The following PAM variants were observed in gnomAD, a reference collection of about 807,000 sequenced individuals.
PAM encodes the protein peptidylglycine alpha-amidating monooxygenase, also known as peptidyl-glycine alpha-amidating monooxygenase.
A neutral mutation model predicts 122.1 loss-of-function variants in PAM; 72 were observed. That is an observed-to-expected ratio of 0.59 (90% CI 0.49 to 0.72). The LOEUF is 0.72. Ranked by LOEUF, PAM falls within the 30% of genes least tolerant of loss-of-function variation. PAM has a pLI of 0.00. For missense variants in PAM, 1,106 were observed against 1,183.7 expected (o/e 0.93, Z 0.96); for synonymous variants, 389 against 404.4 (o/e 0.96, Z 0.46).
intron 2 of PAM, among the ~76,000 whole-genome samples, chr5:102,867,041 G>A (rs1486783443): frequency 6.6e-6 from 1 of 152,002 alleles, no homozygotes; most frequent in Admixed American, 6.6e-5. Flanking sequence ...AATGTAGCCT[G>A]GTTGATTGCA....
intron 1 of PAM, among the ~76,000 whole-genome samples, chr5:102,766,465 G>C (rs1034258307): frequency 6.6e-6 from 1 of 152,156 alleles, no homozygotes; most frequent in Non-Finnish European, 1.5e-5. Context: ...TGCCGCAGCT[G>C]ATCTGACAGG....
intron 1 of PAM, among the ~76,000 whole-genome samples, chr5:102,856,778 T>C (rs189147911): frequency 2.6e-5 from 4 of 152,154 alleles, no homozygotes; most frequent in Admixed American, 2.6e-4. Flanking sequence ...ACCCCTGAGA[T>C]TTTTTTTCAG....
At chr5:102,786,007 T>A (rs1760427386) in intron 1 of PAM, among the ~76,000 whole-genome samples, 1 of 152,244 alleles carries the variant, frequency 6.6e-6, no homozygotes, top group Non-Finnish European at 1.5e-5. Context: ...AAGTTATTTT[T>A]AATAATTATT....
intron 7 of PAM, among the ~76,000 whole-genome samples, chr5:102,934,371 G>T (rs1304017884): frequency 2.0e-5 from 3 of 152,104 alleles, no homozygotes; most frequent in African/African-American, 7.2e-5. Flanking sequence ...TTTCATTCCA[G>T]AGCACATATT....
At chr5:102,949,418 A>G (rs1758045538) in intron 9 of PAM, 119 bp from the exon 10 acceptor site, 2 of 713,926 alleles carry the variant, frequency 2.8e-6, no homozygotes, top group Non-Finnish European at 5.1e-6. Context: ...TGTGTATTTA[A>G]GTCATAAGAA....
In PAM at chr5:102,959,905, A is replaced by C. The variant is rs1562038441; in HGVS notation, c.936A>C (p.Leu312Phe). 2 of 1,612,422 alleles carry C rather than the reference A, an allele frequency of 1.2e-6. No individual in the cohort carries two copies. The highest frequency in any genetic ancestry group is 4.5e-5 in the East Asian group (2 of 44,848). Reference sequence around the variant, plus strand: ...CGTCTAGTGATGAAATGTGCAACTTATACATTATGTATTACATGGAAGCCA... The same window carrying C: ...CGTCTAGTGATGAAATGTGCAACTTCTACATTATGTATTACATGGAAGCCA... The part of the protein sequence containing the change: ...GGTSSDEMCN[L>F]YIMYYMEAKH... Residue 312 changes from leucine (L) to phenylalanine (F), a missense_variant, in exon 13 of 26, where the codon TTA (leucine) becomes TTC (phenylalanine). Leu to Phe is a conservative substitution (Grantham distance 22). This residue lies in a region of PAM where 670 missense variants were observed against 690.3 expected (regional missense o/e 0.97). Coordinates refer to ENST00000438793, the MANE Select transcript of PAM (RefSeq NM_001177306.2).
At chr5:102,937,010 A>G (rs995754314) in intron 7 of PAM, among the ~76,000 whole-genome samples, 1 of 152,174 alleles carries the variant, frequency 6.6e-6, no homozygotes, top group African/African-American at 2.4e-5. Flanking sequence ...TTCTCTTAAG[A>G]AAAGGGGAGC....
downstream of PAM, chr5:103,030,772 G>A (rs868571190): frequency 1.3e-5 from 2 of 152,146 alleles, no homozygotes; most frequent in Non-Finnish European, 2.9e-5. Context: ...AAAATTGTTG[G>A]GCACTCACTC....
chr5:102,864,632 C>G (rs1479825006), intron 1 of PAM: 2 of 152,172 alleles, frequency 1.3e-5, no homozygotes, highest in Admixed American at 6.5e-5. Context: ...ATTAGCTTCA[C>G]TATCTTGTGA....
At chr5:102,877,281 A>T (rs937701969) in intron 3 of PAM, among the ~76,000 whole-genome samples, 7 of 152,248 alleles carry the variant, frequency 4.6e-5, no homozygotes, top group African/African-American at 1.4e-4. Flanking sequence ...ATTAGTTAAG[A>T]AATGTTAGCA....
chr5:102,872,622 T>C (rs1787900870), intron 3 of PAM, among the ~76,000 whole-genome samples: 1 of 152,202 alleles, frequency 6.6e-6, no homozygotes, highest in African/African-American at 2.4e-5. Flanking sequence ...AGTTTTAAAA[T>C]ATCAAACCAT....
At chr5:102,939,686 A>G (rs1754459178) in intron 7 of PAM, among the ~76,000 whole-genome samples, 1 of 152,136 alleles carries the variant, frequency 6.6e-6, no homozygotes. Flanking sequence ...TGAATGACTG[A>G]AAAATTAATA....
At chr5:102,792,657 C>A (rs1276766782) in intron 1 of PAM, among the ~76,000 whole-genome samples, 1 of 152,206 alleles carries the variant, frequency 6.6e-6, no homozygotes, top group African/African-American at 2.4e-5. Flanking sequence ...AATTTGGAAT[C>A]TCTTCTCAGT....
chr5:102,888,162 G>A (rs1470353687), intron 3 of PAM, among the ~76,000 whole-genome samples: 1 of 152,008 alleles, frequency 6.6e-6, no homozygotes, highest in Non-Finnish European at 1.5e-5. Flanking sequence ...GGCAGTAGCC[G>A]ACTCAATATG....
chr5:102,912,072 C>T (rs1405656225), intron 4 of PAM, among the ~76,000 whole-genome samples: 2 of 152,024 alleles, frequency 1.3e-5, no homozygotes, highest in African/African-American at 2.4e-5. Flanking sequence ...TTAGCGGGTG[C>T]TTGAAACATT....
rs111320551 is a variant in PAM, at chr5:102,980,358, T to C, written c.1483+5922T>C. Among the ~76,000 whole-genome samples the C allele has an allele frequency of 7.6e-3, 1,160 of 152,280 alleles. 20 individuals are homozygous for C. The highest frequency in any genetic ancestry group is 0.025 in the African/African-American group (1,054 of 41,572). The stretch of plus-strand genomic sequence containing the variant: ...TCTCTATCATCAAAAGTGTTTAAGG[T>C]AGAACTCAAATATATTTTATCATAT... On this transcript the variant is annotated intron_variant, in intron 15 of 25. Coordinates refer to ENST00000438793, the MANE Select transcript of PAM (RefSeq NM_001177306.2).
Position 102,867,303 on chromosome 5 carries a change from T to C in PAM, c.120T>C (p.Asn40=). The change falls in exon 3 of 26, where the codon AAT becomes AAC. Residue 40 remains asparagine, a synonymous_variant. Coordinates refer to ENST00000438793, the MANE Select transcript of PAM (RefSeq NM_001177306.2). ...RFKETTRPFS[N]ECLGTTRPVV... is the part of the protein sequence containing the mutation. ...AAGAAACTACCAGACCATTTTCCAATGAATGTCTTGGTACCACCAGACCCG... is the reference window on the plus strand; with the variant it reads ...AAGAAACTACCAGACCATTTTCCAACGAATGTCTTGGTACCACCAGACCCG... The C allele has an allele frequency of 6.2e-7, 1 of 1,603,574 alleles. No individual in the cohort carries two copies. Among genetic ancestry groups the C allele is most frequent in the Non-Finnish European group, 8.5e-7 (1 of 1,170,636 alleles).
intron 1 of PAM, among the ~76,000 whole-genome samples, chr5:102,776,932 A>G (rs1334014195): frequency 1.3e-5 from 2 of 151,992 alleles, no homozygotes; most frequent in Non-Finnish European, 2.9e-5. Context: ...AATTTTGTAA[A>G]TGGGTGCTTC....
chr5:102,788,408 G>T (rs2149962788), intron 1 of PAM, among the ~76,000 whole-genome samples: 1 of 150,920 alleles, frequency 6.6e-6, no homozygotes, highest in South Asian at 2.2e-4. Flanking sequence ...TAAAGTTATG[G>T]AATGTATGCA....
Sources: gnomAD v4.1 joint callset for allele counts (sites outside exome capture counted in the v4.1 genomes callset) on GRCh38, gnomAD v4.1.1 for gene constraint, gnomAD v4.1.1 regional missense constraint, MANE v1.5 for transcripts, NCBI Gene and HGNC (gene_info 2026-07-23, HGNC 2026-07-21) for gene names.